R3HDM2: variants seen among roughly 807,000 people sequenced by gnomAD.
The protein encoded by R3HDM2 is R3H domain-containing protein 2.
Under a neutral mutation model 124.5 loss-of-function variants are expected in R3HDM2, and 38 were observed. The observed-to-expected ratio is 0.31, with a 90% confidence interval of 0.24 to 0.40. R3HDM2 has a LOEUF of 0.40. Ranked by LOEUF, R3HDM2 falls within the 10% of genes least tolerant of loss-of-function variation. The pLI, the probability that R3HDM2 is intolerant of heterozygous loss-of-function variation, is 1.00. For missense variants in R3HDM2, 869 were observed against 1,236.9 expected (o/e 0.70, Z 4.46); for synonymous variants, 391 against 448.0 (o/e 0.87, Z 1.61).
chr12:57,275,714 A>C (rs2044539030), intron 14 of R3HDM2, among the ~76,000 whole-genome samples: 1 of 152,226 alleles, frequency 6.6e-6, no homozygotes, highest in African/African-American at 2.4e-5. Context: ...CAAATATATG[A>C]AAAAATGCTC....
At chr12:57,311,755 C>T (rs2053964452) in intron 2 of R3HDM2, among the ~76,000 whole-genome samples, 1 of 152,156 alleles carries the variant, frequency 6.6e-6, no homozygotes, top group Non-Finnish European at 1.5e-5. Flanking sequence ...AAGATTGGGT[C>T]CCTCCCTGGA....
intron 2 of R3HDM2, among the ~76,000 whole-genome samples, chr12:57,318,494 C>A (rs914287196): frequency 3.3e-5 from 5 of 151,836 alleles, no homozygotes; most frequent in African/African-American, 1.2e-4. Flanking sequence ...ACTAATAGTA[C>A]AGAAATTAGC....
At chr12:57,276,162 A>G (rs1339787036) in intron 14 of R3HDM2, among the ~76,000 whole-genome samples, 1 of 150,800 alleles carries the variant, frequency 6.6e-6, no homozygotes, top group Non-Finnish European at 1.5e-5. Flanking sequence ...GTGAGTCAAG[A>G]TCGTGCCACT....
chr12:57,313,660 G>C (rs1358269380), intron 2 of R3HDM2, among the ~76,000 whole-genome samples: 1 of 151,290 alleles, frequency 6.6e-6, no homozygotes, highest in Non-Finnish European at 1.5e-5. Context: ...TAGGAGGGTC[G>C]CTTGAGGCCA....
At chr12:57,289,495 T>C (rs955524231) in intron 11 of R3HDM2, among the ~76,000 whole-genome samples, 1 of 152,210 alleles carries the variant, frequency 6.6e-6, no homozygotes, top group African/African-American at 2.4e-5. Context: ...GTCTCCTACA[T>C]TGGCCAAAAT....
chr12:57,375,549 G>GT (rs1354283210), intron 2 of R3HDM2, among the ~76,000 whole-genome samples: 3 of 151,996 alleles, frequency 2.0e-5, no homozygotes, highest in Middle Eastern at 6.4e-3. Flanking sequence ...AAGAAGCAGC[G>GT]TTTTTTCAAT....
intron 9 of R3HDM2, 188 bp from the exon 10 acceptor site, chr12:57,295,695 C>A: frequency 1.8e-6 from 1 of 555,942 alleles, no homozygotes; most frequent in Non-Finnish European, 3.2e-6. Context: ...ACATCTATAA[C>A]TTCTCTTCCT....
intron 1 of R3HDM2, among the ~76,000 whole-genome samples, chr12:57,420,065 C>T (rs1439265338): frequency 6.6e-6 from 1 of 152,102 alleles, no homozygotes; most frequent in African/African-American, 2.4e-5. Flanking sequence ...TTCTCCCCAC[C>T]CCTTTCCTGA....
At chr12:57,361,048 C>CAAAAAAAAAAAAAA (rs35437591) in intron 2 of R3HDM2, among the ~76,000 whole-genome samples, 2 of 60,056 alleles carry the variant, frequency 3.3e-5, no homozygotes, top group Non-Finnish European at 2.8e-5. Flanking sequence ...AGACACGTCT[C>CAAAAAAAAAAAAAA]AAAAAAAAAA....
chr12:57,399,885 A>T (rs1475410622), intron 1 of R3HDM2, among the ~76,000 whole-genome samples: 4 of 152,194 alleles, frequency 2.6e-5, no homozygotes, highest in Non-Finnish European at 5.9e-5. Flanking sequence ...CGATAAACTC[A>T]GGGCAAGGGG....
chr12:57,345,500 TACACACACACACACACACACAC>T (rs55903347), intron 2 of R3HDM2, among the ~76,000 whole-genome samples: 14 of 147,524 alleles, frequency 9.5e-5, no homozygotes, highest in East Asian at 6.0e-4. Context: ...ATTTCTTTTA[TACACACACACACACACACACAC>T]ACACACACAC....
intron 2 of R3HDM2, among the ~76,000 whole-genome samples, chr12:57,312,205 G>A (rs1435940988): frequency 6.6e-6 from 1 of 152,072 alleles, no homozygotes; most frequent in Middle Eastern, 3.4e-3. Context: ...CTTCAAATCA[G>A]TTTAAAGGGT....
chr12:57,382,021 A>G (rs754309657), intron 2 of R3HDM2, among the ~76,000 whole-genome samples: 3 of 151,248 alleles, frequency 2.0e-5, no homozygotes, highest in African/African-American at 7.3e-5. Context: ...GGGTCTCCCT[A>G]TGTTGCCCAG....
chr12:57,306,233 A>T (rs1248509148), intron 3 of R3HDM2, among the ~76,000 whole-genome samples: 1 of 152,190 alleles, frequency 6.6e-6, no homozygotes, highest in Non-Finnish European at 1.5e-5. Flanking sequence ...TCACAATATA[A>T]CATGCTGAGA....
rs901790114 is a variant in R3HDM2 at position 57,430,784 on chromosome 12, C to A, written c.-170G>T. On this transcript the variant is annotated 5_prime_UTR_variant, in exon 1 of 24. Coordinates refer to ENST00000402412, the MANE Select transcript of R3HDM2 (RefSeq NM_001394031.1). ...CCCGCCGCCCGGGCCCACGGCCGCT[C>A]GGCTGCGGCTCGGCCCCGACGGCCG... 6.3e-6 allele frequency: 1 copy of A among 157,988 alleles called. No individual in the cohort carries two copies. Among genetic ancestry groups the A allele is most frequent in the African/African-American group, 2.4e-5 (1 of 41,076 alleles). The allele number at this position is 157,988 out of a possible 1,614,324, so 9.8% of individuals were successfully genotyped here. A position where few individuals can be genotyped will look rare whatever the true frequency, so the allele number is the denominator to read the frequency against.
chr12:57,398,823 T>G (rs1315424798), intron 1 of R3HDM2, among the ~76,000 whole-genome samples: 1 of 152,124 alleles, frequency 6.6e-6, no homozygotes, highest in Admixed American at 6.6e-5. Flanking sequence ...AATTTACACT[T>G]GGAAAATAAG....
chr12:57,417,041 C>T (rs572668360), intron 1 of R3HDM2, among the ~76,000 whole-genome samples: 7 of 151,796 alleles, frequency 4.6e-5, no homozygotes, highest in East Asian at 3.9e-4. Context: ...TTGCTTGAAC[C>T]CAGGAGGCGG....
chr12:57,332,316 G>A (rs2058304448), intron 2 of R3HDM2, among the ~76,000 whole-genome samples: 1 of 149,886 alleles, frequency 6.7e-6, no homozygotes, highest in Non-Finnish European at 1.5e-5. Context: ...TTGGGAGGCT[G>A]AGGTAAGAGG....
chr12:57,303,292 A>G, intron 3 of R3HDM2, 75 bp from the exon 4 acceptor site: 2 of 1,322,782 alleles, frequency 1.5e-6, no homozygotes, highest in Non-Finnish European at 2.1e-6. Flanking sequence ...ACATGTTTAT[A>G]AAGAAAAAGC....
Sources: allele counts gnomAD v4.1 joint callset (sites outside exome capture counted in the v4.1 genomes callset), GRCh38; gene constraint gnomAD v4.1.1; transcripts MANE v1.5; gene names NCBI Gene and HGNC (gene_info 2026-07-23, HGNC 2026-07-21).